The following DCDC1 variants were observed in gnomAD, a reference collection of about 807,000 sequenced individuals.
DCDC1 encodes doublecortin domain-containing protein 1.
Under a neutral mutation model 178.3 loss-of-function variants are expected in DCDC1, and 200 were observed. The ratio of observed to expected loss-of-function variants is 1.12; its 90% CI spans 1.00 to 1.26. DCDC1 has a LOEUF of 1.26. DCDC1 is among the 50% of genes most tolerant of loss of function. The pLI is 0.00. For missense variants in DCDC1, 1,983 were observed against 1,749.2 expected (o/e 1.13, Z -2.38); for synonymous variants, 690 against 604.8 (o/e 1.14, Z -2.07).
At chr11:31,293,530 C>A (rs538105612) in intron 6 of DCDC1, among the ~76,000 whole-genome samples, 1 of 152,240 alleles carries the variant, frequency 6.6e-6, no homozygotes, top group South Asian at 2.1e-4. Flanking sequence ...ACCCTCAGAG[C>A]GAATGCCTCC....
intron 18 of DCDC1, among the ~76,000 whole-genome samples, chr11:31,070,425 A>C (rs1956485161): frequency 6.6e-6 from 1 of 152,208 alleles, no homozygotes; most frequent in Admixed American, 6.5e-5. Flanking sequence ...TTTGGCTAAT[A>C]ATGCATTCTT....
In DCDC1 at chr11:31,213,100, CCTCT is replaced by C. The variant is rs71060480; in HGVS notation, c.1221+28346_1221+28349del. On this transcript the variant is annotated intron_variant, in intron 9 of 38. Transcript: ENST00000684477. ...GTGTCATCTTCTATATAAAGCCCAG[CCTCT>C]CTCTCTCTCTCTCTCTCTCTCTCTC... Among the ~76,000 whole-genome samples, 270 of 44,230 alleles carry C rather than the reference CCTCT, an allele frequency of 6.1e-3. 6 individuals are homozygous for C. The highest frequency in any genetic ancestry group is 0.022 in the East Asian group (29 of 1,318). 29.0% of individuals were successfully genotyped at this position (44,230 alleles called of 152,430 possible).
chr11:31,172,103 AAAAT>A (rs1376811842), intron 9 of DCDC1, among the ~76,000 whole-genome samples: 2 of 152,174 alleles, frequency 1.3e-5, no homozygotes, highest in African/African-American at 4.8e-5. Flanking sequence ...TTACAGGTAT[AAAAT>A]AGCTTAGATA....
intron 20 of DCDC1, among the ~76,000 whole-genome samples, chr11:31,051,237 A>G (rs1055875668): frequency 6.6e-6 from 1 of 152,216 alleles, no homozygotes; most frequent in Non-Finnish European, 1.5e-5. Context: ...TCAGAGCTCA[A>G]AGACAAGGTC....
chr11:31,198,566 T>C (rs1001883652), intron 9 of DCDC1, among the ~76,000 whole-genome samples: 1 of 152,060 alleles, frequency 6.6e-6, no homozygotes, highest in African/African-American at 2.4e-5. Flanking sequence ...ATGCCACTAC[T>C]TGCTAGCGTT....
intron 8 of DCDC1, among the ~76,000 whole-genome samples, chr11:31,254,227 C>T (rs1944265295): frequency 6.6e-6 from 1 of 152,116 alleles, no homozygotes; most frequent in South Asian, 2.1e-4. Flanking sequence ...AGCTGGGCAT[C>T]CCATGTGTCA....
rs187040000 is a variant in DCDC1 at position 31,256,015 on chromosome 11, G to A, written c.1054+9492C>T. Among the ~76,000 whole-genome samples, 541 of 152,236 alleles carry A rather than the reference G, an allele frequency of 3.6e-3. 1 individual carries two copies. Among genetic ancestry groups the A allele is most frequent in the Middle Eastern group, 6.8e-3 (2 of 294 alleles). On this transcript the variant is annotated intron_variant, in intron 8 of 38. Transcript: ENST00000684477. ...AATTCATGTTTATGATGTGAAGTATGGGTCCAACTTCAGTCTTTTGCATGT... is the reference window on the plus strand; with the variant it reads ...AATTCATGTTTATGATGTGAAGTATAGGTCCAACTTCAGTCTTTTGCATGT...
At chr11:30,940,983 G>A (rs158628) in intron 21 of DCDC1, among the ~76,000 whole-genome samples, 19,726 of 151,734 alleles carry the variant, frequency 0.13, 1,422 homozygotes, top group Admixed American at 0.21. Context: ...TTTCTTCTTC[G>A]TCTCACAAGT....
intron 27 of DCDC1, among the ~76,000 whole-genome samples, chr11:30,911,904 T>C (rs1945474732): frequency 6.6e-6 from 1 of 152,082 alleles, no homozygotes; most frequent in African/African-American, 2.4e-5. Flanking sequence ...GCTCACTCAG[T>C]GTTATGGTTT....
intron 7 of DCDC1, among the ~76,000 whole-genome samples, chr11:31,279,594 G>A (rs748536646): frequency 1.7e-4 from 26 of 152,148 alleles, no homozygotes; most frequent in African/African-American, 2.4e-4. Context: ...TCCTTTGCAG[G>A]GACATGGATG....
intron 20 of DCDC1, among the ~76,000 whole-genome samples, chr11:31,000,032 C>T (rs115126865): frequency 9.5e-4 from 145 of 152,198 alleles, no homozygotes; most frequent in African/African-American, 3.4e-3. Flanking sequence ...ACCATCTGTG[C>T]TGGCTGTGGA....
At chr11:31,189,889 G>A (rs943512496) in intron 9 of DCDC1, among the ~76,000 whole-genome samples, 1 of 152,114 alleles carries the variant, frequency 6.6e-6, no homozygotes, top group African/African-American at 2.4e-5. Flanking sequence ...CATATTCACA[G>A]GTTTGAGAAA....
chr11:31,257,565 A>G (rs1488638449), intron 8 of DCDC1, among the ~76,000 whole-genome samples: 1 of 152,144 alleles, frequency 6.6e-6, no homozygotes, highest in Non-Finnish European at 1.5e-5. Context: ...TATTATGATC[A>G]GAATAGAACA....
intron 20 of DCDC1, among the ~76,000 whole-genome samples, chr11:31,026,855 T>A (rs1482879398): frequency 6.6e-6 from 1 of 151,808 alleles, no homozygotes; most frequent in Non-Finnish European, 1.5e-5. Context: ...TTTAGAAAGT[T>A]TCTTAATTCA....
In DCDC1 at chr11:30,909,130, C is replaced by A; in HGVS notation, c.3748-14G>T. 6.3e-7 allele frequency: 1 copy of A among 1,595,652 alleles called. No individual in the cohort carries two copies. The highest frequency in any genetic ancestry group is 8.6e-7 in the Non-Finnish European group (1 of 1,167,998). On this transcript the variant is annotated splice_polypyrimidine_tract_variant and intron_variant, in intron 28 of 38. Transcript: ENST00000684477. ...CGGCTTATATTTCTGAAAAAAGAGG[C>A]AAAATATGGAGTCAAGTGAGTTCAT... is the stretch of plus-strand genomic sequence containing the variant.
chr11:31,315,703 G>C (rs370892742), intron 3 of DCDC1, among the ~76,000 whole-genome samples: 1 of 91,782 alleles, frequency 1.1e-5, no homozygotes, highest in Non-Finnish European at 2.0e-5. Context: ...TGTGCATATT[G>C]TGCAGGTTAG....
chr11:31,004,681 CAA>C (rs201483189), intron 20 of DCDC1, among the ~76,000 whole-genome samples: 2,061 of 72,458 alleles, frequency 0.028, 41 homozygotes, highest in African/African-American at 0.095. Context: ...CACTCTGTCT[CAA>C]AAAAAAAAAA....
chr11:31,169,619 G>A (rs1048311421), intron 9 of DCDC1, among the ~76,000 whole-genome samples: 2 of 152,070 alleles, frequency 1.3e-5, no homozygotes, highest in African/African-American at 4.8e-5. Flanking sequence ...AAGGGCAGTT[G>A]AGTTGTTCAT....
chr11:31,070,298 C>T (rs1164063909), intron 18 of DCDC1, among the ~76,000 whole-genome samples: 1 of 152,156 alleles, frequency 6.6e-6, no homozygotes, highest in African/African-American at 2.4e-5. Flanking sequence ...AAGTCAAAAA[C>T]CTAATCTTTC....
Sources: gnomAD v4.1 joint callset for allele counts (sites outside exome capture counted in the v4.1 genomes callset) on GRCh38, gnomAD v4.1.1 for gene constraint, MANE v1.5 for transcripts, NCBI Gene and HGNC (gene_info 2026-07-23, HGNC 2026-07-21) for gene names.